CDH10: variants seen among roughly 807,000 people sequenced by gnomAD.
CDH10 encodes the protein cadherin-10.
CDH10 carries 30 observed loss-of-function variants against 73.1 expected under a neutral mutation model. The ratio of observed to expected loss-of-function variants is 0.41; its 90% CI spans 0.31 to 0.56. CDH10 has a LOEUF of 0.56. Among genes scored for constraint, CDH10 ranks in the 20% least tolerant of loss-of-function variants. The pLI is 0.27. For missense variants in CDH10, 815 were observed against 973.7 expected (o/e 0.84, Z 2.17); for synonymous variants, 345 against 348.2 (o/e 0.99, Z 0.10).
At chr5:24,609,332 T>G (rs1227108796) in intron 1 of CDH10, among the ~76,000 whole-genome samples, 1 of 152,118 alleles carries the variant, frequency 6.6e-6, no homozygotes, top group African/African-American at 2.4e-5. Context: ...GGGGGGAGGT[T>G]AGAAGAAGCA....
chr5:24,503,911 G>C (rs1275599859), intron 8 of CDH10, among the ~76,000 whole-genome samples: 2 of 152,020 alleles, frequency 1.3e-5, no homozygotes, highest in Admixed American at 1.3e-4. Flanking sequence ...CTACCTACAG[G>C]CTTGTTCATA....
At chr5:24,584,175 G>A (rs1337125762) in intron 2 of CDH10, among the ~76,000 whole-genome samples, 1 of 151,898 alleles carries the variant, frequency 6.6e-6, no homozygotes, top group East Asian at 1.9e-4. Flanking sequence ...ATCATTATCA[G>A]GCTACATCAA....
rs2111603563 is a variant in CDH10, at chr5:24,487,852, G to A, written c.2178C>T (p.Thr726=). ...TTGCAAGTGAGTCGTAGGGGGGTGC[G>A]GTGGGGTCAAGATCATGCTCTTTTA... ...ERLKEHDLDP[T]APPYDSLATY... Residue 726 remains threonine (T), a synonymous_variant, in exon 12 of 12, where the codon ACC becomes ACT. Transcript: ENST00000264463. The A allele has an allele frequency of 6.2e-7, 1 of 1,613,696 alleles. No homozygotes were observed. The highest frequency in any genetic ancestry group is 8.5e-7 in the Non-Finnish European group (1 of 1,179,860).
chr5:24,498,490 C>G lies in CDH10; in HGVS notation c.1423G>C (p.Val475Leu), dbSNP rs762565754. ...NNPKETTRVAVFVRILDVNDN... is the reference protein window; with the variant it reads ...NNPKETTRVALFVRILDVNDN... ...TTAACATCCAAAATTCTCACAAAAA[C>G]AGCCACGCGTGTTGTCTCTTTGGGA... The change falls in exon 9 of 12, where the codon GTT becomes CTT. Residue 475 changes from valine (V) to leucine (L), a missense_variant. By Grantham distance (32) the Val-to-Leu change is conservative (BLOSUM62 1). Transcript: ENST00000264463. The G allele has an allele frequency of 1.4e-5, 23 of 1,600,202 alleles. No homozygotes were observed. The highest frequency in any genetic ancestry group is 2.0e-5 in the Non-Finnish European group (23 of 1,167,472).
At chr5:24,547,213 A>C (rs564151734) in intron 2 of CDH10, among the ~76,000 whole-genome samples, 1 of 152,330 alleles carries the variant, frequency 6.6e-6, no homozygotes, top group African/African-American at 2.4e-5. Context: ...AAACATCTGT[A>C]ATTTATCTTA....
intron 5 of CDH10, among the ~76,000 whole-genome samples, chr5:24,517,767 T>G (rs2111797994): frequency 6.6e-6 from 1 of 152,260 alleles, no homozygotes; most frequent in South Asian, 2.1e-4. Context: ...GGCCTGGGGA[T>G]ATTTTCCATT....
intron 2 of CDH10, among the ~76,000 whole-genome samples, chr5:24,579,938 C>G (rs1468221105): frequency 1.3e-5 from 2 of 152,100 alleles, no homozygotes; most frequent in African/African-American, 4.8e-5. Context: ...CTTCATGTAT[C>G]TTACTCTATC....
Position 24,492,929 on chromosome 5 carries a change from C to A in CDH10, c.1516-4G>T, listed in dbSNP as rs370859820. On this transcript the variant is annotated splice_polypyrimidine_tract_variant and splice_region_variant and intron_variant, in intron 9 of 11. Transcript: ENST00000264463. ...CTGCACTTATAGTCTGTATTAGCTG[C>A]AGAAAAAGAAAAATATATCTCATCA... 1 of 1,194,170 alleles carries A rather than the reference C, an allele frequency of 8.4e-7. No individual in the cohort carries two copies. Among genetic ancestry groups the A allele is most frequent in the Non-Finnish European group, 1.3e-6 (1 of 799,298 alleles). 74.0% of individuals were successfully genotyped at this position (1,194,170 alleles called of 1,614,324 possible). A position where few individuals can be genotyped will look rare whatever the true frequency, so the allele number is the denominator to read the frequency against.
At chr5:24,623,072 G>A (rs10046010) in intron 1 of CDH10, among the ~76,000 whole-genome samples, 45,750 of 151,774 alleles carry the variant, frequency 0.3, 9,120 homozygotes, top group African/African-American at 0.58. Flanking sequence ...CTATGCCTCC[G>A]CCAGAAATGA....
At chr5:24,528,738 T>G (rs4701447) in intron 5 of CDH10, among the ~76,000 whole-genome samples, 38,008 of 151,824 alleles carry the variant, frequency 0.25, 5,204 homozygotes, top group Admixed American at 0.3. Flanking sequence ...CCCTATAATC[T>G]ATGTAAAAGT....
rs189729672 is a variant in CDH10, at chr5:24,553,290, T to C, written c.232-15616A>G. ...TTCTGGTATTGTTCCTTGGTGTGTG[T>C]ATGTATTTATCAAAATTGCAGAAAT... On this transcript the variant is annotated intron_variant, in intron 2 of 11. Coordinates refer to ENST00000264463, the MANE Select transcript of CDH10 (RefSeq NM_006727.5). Among the ~76,000 whole-genome samples, 11 of 152,250 alleles carry C rather than the reference T, an allele frequency of 7.2e-5. No homozygotes were observed. In the East Asian group the frequency reaches 2.1e-3, roughly 29 times the overall value.
chr5:24,544,177 C>T (rs1159546528), intron 2 of CDH10, among the ~76,000 whole-genome samples: 1 of 151,950 alleles, frequency 6.6e-6, no homozygotes, highest in Non-Finnish European at 1.5e-5. Context: ...GTCTGTAGTC[C>T]CAGCTACGTG....
intron 2 of CDH10, among the ~76,000 whole-genome samples, chr5:24,571,100 C>G (rs192471529): frequency 2.8e-3 from 432 of 152,208 alleles, no homozygotes; most frequent in Non-Finnish European, 4.9e-3. Flanking sequence ...CAGTGAAGAG[C>G]AAATTTAAGA....
chr5:24,566,518 C>T (rs567642457), intron 2 of CDH10, among the ~76,000 whole-genome samples: 16 of 152,120 alleles, frequency 1.1e-4, no homozygotes, highest in Admixed American at 8.5e-4. Context: ...TATAGAATAA[C>T]CGAAGAGAAT....
intron 1 of CDH10, among the ~76,000 whole-genome samples, chr5:24,608,455 G>A (rs1030121244): frequency 6.6e-6 from 1 of 151,962 alleles, no homozygotes; most frequent in Admixed American, 6.6e-5. Context: ...ACCACGCCCA[G>A]CTAATTTTTG....
At chr5:24,501,346 G>A (rs1187085756) in intron 8 of CDH10, among the ~76,000 whole-genome samples, 1 of 152,164 alleles carries the variant, frequency 6.6e-6, no homozygotes, top group African/African-American at 2.4e-5. Context: ...AGGGATGAAT[G>A]TGCTTTGTAA....
At chr5:24,512,188 T>C (rs947347381) in intron 5 of CDH10, among the ~76,000 whole-genome samples, 1 of 152,178 alleles carries the variant, frequency 6.6e-6, no homozygotes, top group African/African-American at 2.4e-5. Flanking sequence ...TTATTTTATT[T>C]TATCTTTTGA....
chr5:24,626,921 TA>T (rs1055475073), intron 1 of CDH10, among the ~76,000 whole-genome samples: 1 of 150,156 alleles, frequency 6.7e-6, no homozygotes, highest in Non-Finnish European at 1.5e-5. Flanking sequence ...TGTATATATA[TA>T]ATTTTATTGA....
chr5:24,516,118 G>A (rs1309453483), intron 5 of CDH10, among the ~76,000 whole-genome samples: 1 of 152,152 alleles, frequency 6.6e-6, no homozygotes, highest in Non-Finnish European at 1.5e-5. Context: ...TCAAGTTACT[G>A]TGCAGAATCT....
Sources: gnomAD v4.1 joint callset for allele counts (sites outside exome capture counted in the v4.1 genomes callset) on GRCh38, gnomAD v4.1.1 for gene constraint, MANE v1.5 for transcripts, NCBI Gene and HGNC (gene_info 2026-07-23, HGNC 2026-07-21) for gene names.